The following PTPRT variants were observed in gnomAD, a reference collection of about 807,000 sequenced individuals.
PTPRT encodes protein tyrosine phosphatase receptor type T, also known as receptor-type tyrosine-protein phosphatase T.
Under a neutral mutation model 176.8 loss-of-function variants are expected in PTPRT, and 56 were observed. The observed-to-expected ratio is 0.32, with a 90% CI of 0.26 to 0.40. PTPRT has a LOEUF of 0.40. Ranked by LOEUF, PTPRT falls within the 10% of genes least tolerant of loss-of-function variation. The pLI is 1.00. For missense variants in PTPRT, 1,540 were observed against 1,908.2 expected, an observed-to-expected ratio of 0.81 and a Z score of 3.60; for synonymous variants, 783 against 739.0, an observed-to-expected ratio of 1.06 and a Z score of -0.96.
At chr20:42,857,612 G>T (rs2078588547) in intron 2 of PTPRT, among the ~76,000 whole-genome samples, 1 of 152,142 alleles carries the variant, frequency 6.6e-6, no homozygotes, top group Non-Finnish European at 1.5e-5. Flanking sequence ...ACTGCTAAGT[G>T]GTCTTTGTGA....
chr20:43,092,819 C>T lies in PTPRT; in HGVS notation c.88+96827G>A, dbSNP rs150506300. On this transcript the variant is annotated intron_variant, in intron 1 of 30. Transcript: ENST00000373187. The stretch of plus-strand genomic sequence containing the variant: ...CCAGTTCACTGTAATAGACATGAGA[C>T]TGACGAGAAATAAAACCTTCCTTGT... Among the ~76,000 whole-genome samples the T allele has an allele frequency of 2.0e-3, 308 of 152,310 alleles. 3 individuals are homozygous for T. The highest frequency in any genetic ancestry group is 0.01 in the Middle Eastern group (3 of 294).
chr20:42,994,031 T>C (rs1352664718), intron 1 of PTPRT, among the ~76,000 whole-genome samples: 1 of 152,184 alleles, frequency 6.6e-6, no homozygotes, highest in Admixed American at 6.5e-5. Flanking sequence ...GTAACGGGAA[T>C]AGTAGAAAAC....
At chr20:42,782,778 T>C (rs895647432) in intron 3 of PTPRT, among the ~76,000 whole-genome samples, 2 of 152,144 alleles carry the variant, frequency 1.3e-5, no homozygotes, top group Middle Eastern at 3.2e-3. Flanking sequence ...GCAAAAATAG[T>C]GTGAAAACCT....
At chr20:43,064,323 T>C (rs752354342) in intron 1 of PTPRT, among the ~76,000 whole-genome samples, 1 of 152,198 alleles carries the variant, frequency 6.6e-6, no homozygotes, top group Non-Finnish European at 1.5e-5. Context: ...GGGAAATCTT[T>C]AGTCCTGAAT....
intron 7 of PTPRT, among the ~76,000 whole-genome samples, chr20:42,664,560 T>C (rs181405327): frequency 2.0e-5 from 3 of 152,238 alleles, no homozygotes; most frequent in Non-Finnish European, 2.9e-5. Flanking sequence ...CAATAAATTC[T>C]ATTTTTTACA....
rs898865230 is a variant in PTPRT at position 42,434,887 on chromosome 20, C to T, written c.1560+13333G>A. 3.3e-5 allele frequency among the ~76,000 whole-genome samples: 5 copies of T among 151,836 alleles called. No homozygotes were observed. The East Asian group carries it at 7.7e-4, about 23-fold the overall frequency. Reference sequence around the variant, plus strand: ...GGCTGAGGCATAAGAATCTCTTGAACCTAGGATGTGGAGGTTGCAGTAAGT... The same window carrying T: ...GGCTGAGGCATAAGAATCTCTTGAATCTAGGATGTGGAGGTTGCAGTAAGT... On this transcript the variant is annotated intron_variant, in intron 9 of 30. Transcript: ENST00000373187.
chr20:42,586,359 G>A (rs2073471275), intron 7 of PTPRT, among the ~76,000 whole-genome samples: 1 of 152,118 alleles, frequency 6.6e-6, no homozygotes, highest in Non-Finnish European at 1.5e-5. Flanking sequence ...TGGGTTTCTT[G>A]CAAAACCATT....
chr20:42,701,088 A>AT (rs2075967278), intron 6 of PTPRT, among the ~76,000 whole-genome samples: 2 of 111,588 alleles, frequency 1.8e-5, no homozygotes, highest in East Asian at 5.1e-4. Context: ...CCACCTGACA[A>AT]CTCAGTTTAG....
At chr20:42,344,773 T>C (rs1341167910) in intron 11 of PTPRT, among the ~76,000 whole-genome samples, 1 of 152,034 alleles carries the variant, frequency 6.6e-6, no homozygotes, top group Non-Finnish European at 1.5e-5. Flanking sequence ...AAATCCAGAG[T>C]GAAGACCTTC....
At chr20:43,157,469 G>C (rs1240658472) in intron 1 of PTPRT, among the ~76,000 whole-genome samples, 2 of 152,318 alleles carry the variant, frequency 1.3e-5, no homozygotes, top group East Asian at 1.9e-4. Flanking sequence ...ACACTGTAAA[G>C]GTAGAACCTT....
At chr20:42,920,217 C>T (rs183841296) in intron 1 of PTPRT, among the ~76,000 whole-genome samples, 178 of 152,248 alleles carry the variant, frequency 1.2e-3, no homozygotes, top group African/African-American at 4.2e-3. Flanking sequence ...CGGAATATTA[C>T]CCAGCATGAA....
chr20:42,746,747 G>C (rs537916726), intron 6 of PTPRT, among the ~76,000 whole-genome samples: 18 of 152,328 alleles, frequency 1.2e-4, no homozygotes, highest in Admixed American at 3.9e-4. Flanking sequence ...AGATGAGCAT[G>C]TTGAGGTTTC....
intron 1 of PTPRT, among the ~76,000 whole-genome samples, chr20:43,148,689 A>G (rs1237321930): frequency 1.3e-5 from 2 of 152,186 alleles, no homozygotes; most frequent in Non-Finnish European, 2.9e-5. Flanking sequence ...AGAGGGAGTA[A>G]AGAATATGTG....
chr20:42,671,255 T>C (rs1454565778), intron 7 of PTPRT, among the ~76,000 whole-genome samples: 1 of 152,132 alleles, frequency 6.6e-6, no homozygotes, highest in Admixed American at 6.5e-5. Context: ...GTATAATCCA[T>C]CCAGAGCTGT....
chr20:42,153,268 T>G (rs1989212662), intron 17 of PTPRT, among the ~76,000 whole-genome samples: 1 of 152,206 alleles, frequency 6.6e-6, no homozygotes, highest in Non-Finnish European at 1.5e-5. Context: ...ACTCAGTCAG[T>G]GTTTCTGGCC....
intron 10 of PTPRT, 65 bp from the exon 11 acceptor site, chr20:42,350,795 C>T: frequency 8.5e-7 from 1 of 1,174,266 alleles, no homozygotes; most frequent in East Asian, 2.4e-5. Context: ...CCCACCGCCC[C>T]TTGCTGCCAT....
chr20:42,299,521 T>C (rs1310953456), intron 12 of PTPRT, among the ~76,000 whole-genome samples: 2 of 151,820 alleles, frequency 1.3e-5, no homozygotes, highest in African/African-American at 2.4e-5. Flanking sequence ...AGTAAATATA[T>C]GAATAATAAT....
chr20:42,299,641 C>T lies in PTPRT; in HGVS notation c.2139+16082G>A, dbSNP rs1008926199. Reference sequence around the variant, plus strand: ...GAATGGAGGTATCATGAACTTTTGCCTTTTTTTTTTTTTTTTTTTTTTTGA... The same window carrying T: ...GAATGGAGGTATCATGAACTTTTGCTTTTTTTTTTTTTTTTTTTTTTTTGA... On this transcript the variant is annotated intron_variant, in intron 12 of 30. Transcript: ENST00000373187. Among the ~76,000 whole-genome samples, 29 of 85,986 alleles carry T rather than the reference C, an allele frequency of 3.4e-4. No homozygotes were observed. In the East Asian group the frequency reaches 3.5e-3, roughly 10 times the overall value. 56.4% of individuals were successfully genotyped at this position (85,986 alleles called of 152,430 possible). A position where few individuals can be genotyped will look rare whatever the true frequency, so the allele number is the denominator to read the frequency against.
intron 7 of PTPRT, among the ~76,000 whole-genome samples, chr20:42,506,906 T>C (rs1385135990): frequency 1.3e-5 from 2 of 152,076 alleles, no homozygotes; most frequent in Non-Finnish European, 2.9e-5. Context: ...TTTCATATGG[T>C]AAGGAAAATG....
Sources: gnomAD v4.1 joint callset for allele counts (sites outside exome capture counted in the v4.1 genomes callset) on GRCh38, gnomAD v4.1.1 for gene constraint, MANE v1.5 for transcripts, NCBI Gene and HGNC (gene_info 2026-07-23, HGNC 2026-07-21) for gene names.